DRD2: variants seen among roughly 807,000 people sequenced by gnomAD.
The protein encoded by DRD2 is dopamine receptor D2.
DRD2 carries 8 observed loss-of-function variants against 38.0 expected under a neutral mutation model. The ratio of observed to expected loss-of-function variants is 0.21; its 90% CI spans 0.12 to 0.38. The LOEUF (loss-of-function observed/expected upper bound fraction) is 0.38, where lower values mean the gene tolerates loss of function less well. DRD2 is among the 10% of genes least tolerant of loss of function. DRD2 has a pLI of 1.00. For synonymous variants in DRD2, 230 were observed against 238.6 expected (o/e 0.96, Z 0.33); for missense variants, 403 against 607.7 (o/e 0.66, Z 3.54).
intron 1 of DRD2, among the ~76,000 whole-genome samples, chr11:113,463,455 C>T (rs924954761): frequency 1.3e-5 from 2 of 152,270 alleles, no homozygotes; most frequent in African/African-American, 4.8e-5. Flanking sequence ...TTACTTCCCT[C>T]TCCAAGTACA....
intron 1 of DRD2, among the ~76,000 whole-genome samples, chr11:113,469,873 TAAAC>T (rs912310255): frequency 7.9e-5 from 12 of 151,748 alleles, no homozygotes; most frequent in Non-Finnish European, 1.2e-4. Context: ...AAATAAATAA[TAAAC>T]AAACAAAAAA....
chr11:113,474,094 G>A (rs1302872797), intron 1 of DRD2: 1 of 152,298 alleles, frequency 6.6e-6, no homozygotes, highest in African/African-American at 2.4e-5. Flanking sequence ...GTAGTGGGGT[G>A]TCAGGTGGGG....
chr11:113,466,844 G>T (rs560240512), intron 1 of DRD2, among the ~76,000 whole-genome samples: 1 of 152,180 alleles, frequency 6.6e-6, no homozygotes, highest in Non-Finnish European at 1.5e-5. Flanking sequence ...CTGCTTCAAG[G>T]AGCTCATGGT....
intron 4 of DRD2, among the ~76,000 whole-genome samples, chr11:113,416,644 C>T (rs368819380): frequency 2.0e-5 from 3 of 152,222 alleles, no homozygotes; most frequent in East Asian, 3.9e-4. Flanking sequence ...CATCCAACTC[C>T]GTTGTGTCCT....
intron 1 of DRD2, among the ~76,000 whole-genome samples, chr11:113,446,090 C>T (rs954463522): frequency 6.6e-6 from 1 of 152,186 alleles, no homozygotes; most frequent in Admixed American, 6.5e-5. Flanking sequence ...ACCTCAGCGG[C>T]ATGTTTCACT....
intron 2 of DRD2, among the ~76,000 whole-genome samples, chr11:113,420,517 C>T (rs2734836): frequency 0.17 from 25,312 of 152,136 alleles, 2,564 homozygotes; most frequent in East Asian, 0.41. Context: ...TCTCATGTAT[C>T]GTTCTTAAAA....
At chr11:113,449,730 G>A (rs770173856) in intron 1 of DRD2, among the ~76,000 whole-genome samples, 2 of 152,116 alleles carry the variant, frequency 1.3e-5, no homozygotes, top group Non-Finnish European at 2.9e-5. Flanking sequence ...GTTGAAGAGA[G>A]TGCAGAAATG....
intron 1 of DRD2, among the ~76,000 whole-genome samples, chr11:113,436,652 C>T (rs548855750): frequency 4.4e-4 from 67 of 151,996 alleles, no homozygotes; most frequent in Non-Finnish European, 8.7e-4. Flanking sequence ...GAAAATTGGC[C>T]ATAATTTGAT....
chr11:113,452,435 C>CGTGTGTGTGTGTGTGT (rs759448996), intron 1 of DRD2, among the ~76,000 whole-genome samples: 5 of 130,402 alleles, frequency 3.8e-5, no homozygotes, highest in African/African-American at 5.9e-5. Flanking sequence ...GGTGTGCATG[C>CGTGTGTGTGTGTGTGT]GTGTGTGTGT....
At chr11:113,431,083 TGGC>T (rs1178179296) in intron 1 of DRD2, among the ~76,000 whole-genome samples, 2 of 152,214 alleles carry the variant, frequency 1.3e-5, no homozygotes, top group African/African-American at 4.8e-5. Context: ...TTCTCCCAGG[TGGC>T]CCCTGGGCAT....
At chr11:113,415,658 G>A (rs1220002769) in intron 4 of DRD2, 47 bp from the exon 5 acceptor site, 5 of 1,566,808 alleles carry the variant, frequency 3.2e-6, no homozygotes, top group South Asian at 1.2e-5. Flanking sequence ...CGGGCCCACC[G>A]GCCATAATTC....
At chr11:113,422,906 G>A (rs1443879933) in intron 2 of DRD2, among the ~76,000 whole-genome samples, 1 of 152,102 alleles carries the variant, frequency 6.6e-6, no homozygotes. Flanking sequence ...TCCCTCTCAG[G>A]CAGGGATGGC....
intron 1 of DRD2, among the ~76,000 whole-genome samples, chr11:113,449,760 G>A (rs1951192395): frequency 6.6e-6 from 1 of 152,162 alleles, no homozygotes; most frequent in Non-Finnish European, 1.5e-5. Context: ...CCTAGCAAGT[G>A]GATATACTCA....
chr11:113,453,138 C>T (rs17115596), intron 1 of DRD2, among the ~76,000 whole-genome samples: 2,260 of 152,246 alleles, frequency 0.015, 57 homozygotes, highest in African/African-American at 0.052. Context: ...CAAATGAGTA[C>T]GTAAGAAAGT....
chr11:113,439,491 C>G (rs1390820009), intron 1 of DRD2, among the ~76,000 whole-genome samples: 1 of 152,102 alleles, frequency 6.6e-6, no homozygotes, highest in African/African-American at 2.4e-5. Context: ...ACTTTTACTG[C>G]TGGAAGAAGC....
At chr11:113,466,430 C>A (rs944243657) in intron 1 of DRD2, among the ~76,000 whole-genome samples, 1 of 51,996 alleles carries the variant, frequency 1.9e-5, no homozygotes, top group Non-Finnish European at 7.9e-5. Context: ...AACAGCCCCC[C>A]CAGTGCATTT....
intron 1 of DRD2, among the ~76,000 whole-genome samples, chr11:113,442,545 A>C (rs1951104605): frequency 6.6e-6 from 1 of 152,114 alleles, no homozygotes; most frequent in Admixed American, 6.5e-5. Context: ...TCACCTCCCC[A>C]GCCCTGCCTG....
chr11:113,457,734 T>A (rs1295634123), intron 1 of DRD2, among the ~76,000 whole-genome samples: 1 of 152,270 alleles, frequency 6.6e-6, no homozygotes, highest in East Asian at 1.9e-4. Context: ...CTCTGAAGTA[T>A]CTAATTTGGA....
At chr11:113,474,705 G>C (rs1430233656) in intron 1 of DRD2, among the ~76,000 whole-genome samples, 3 of 152,014 alleles carry the variant, frequency 2.0e-5, no homozygotes, top group East Asian at 2.0e-4. Context: ...TGGGGGAAGT[G>C]CCCTCCCGAG....
Sources: gnomAD v4.1 joint callset for allele counts (sites outside exome capture counted in the v4.1 genomes callset) on GRCh38, gnomAD v4.1.1 for gene constraint, MANE v1.5 for transcripts, NCBI Gene and HGNC (gene_info 2026-07-23, HGNC 2026-07-21) for gene names.